Variants in ZNF436 observed in about 807,000 individuals in gnomAD.
ZNF436 encodes the protein zinc finger protein 436.
ZNF436 carries 22 observed loss-of-function variants against 41.9 expected under a neutral mutation model. The observed-to-expected ratio is 0.53, with a 90% CI of 0.38 to 0.75. The LOEUF is 0.75. Ranked by LOEUF, ZNF436 falls within the 30% of genes least tolerant of loss-of-function variation. The probability of loss-of-function intolerance (pLI) is 0.00; values close to 1 mark genes in which losing one functional copy is unlikely to be tolerated. For synonymous variants in ZNF436, 217 were observed against 197.8 expected, an observed-to-expected ratio of 1.10 and a Z score of -0.82; for missense variants, 506 against 587.3, an observed-to-expected ratio of 0.86 and a Z score of 1.43.
At chr1:23,364,633 G>A (rs1183985601) in intron 3 of ZNF436, among the ~76,000 whole-genome samples, 1 of 152,220 alleles carries the variant, frequency 6.6e-6, no homozygotes, top group East Asian at 1.9e-4. Context: ...ACTTTTCAGT[G>A]ACCTTTTAAT....
In ZNF436 at chr1:23,362,265, G is replaced by A. The variant is rs762085274; in HGVS notation, c.1117C>T (p.Arg373Trp). The change falls in exon 4 of 4, where the codon CGG (arginine) becomes TGG (tryptophan). Residue 373 changes from arginine to tryptophan, a missense_variant. Coordinates refer to ENST00000314011, the MANE Select transcript of ZNF436 (RefSeq NM_001077195.2). ...ECNACGKSFS[R>W]SSHLITHQKI... ...TGGTGTGTGATGAGATGAGAGCTCC[G>A]GCTGAAGCTTTTCCCACAAGCATTG... 7.4e-6 allele frequency: 12 copies of A among 1,613,828 alleles called. No homozygotes were observed. Among genetic ancestry groups the A allele is most frequent in the Admixed American group, 5.0e-5 (3 of 59,978 alleles).
At position 23,362,717 on chromosome 1, in the gene ZNF436, T is replaced by G. The variant is rs368776560; in HGVS notation, c.665A>C (p.His222Pro). 4 of 1,614,072 alleles carry G rather than the reference T, an allele frequency of 2.5e-6. No individual in the cohort carries two copies. In the African/African-American group the frequency reaches 5.3e-5, roughly 22 times the overall value. Reference sequence around the variant, plus strand: ...ACTTTTTCCACACTCATTACATTTGTGAGGCTTCTCTCCAGTGTGGATTGT... The same window carrying G: ...ACTTTTTCCACACTCATTACATTTGGGAGGCTTCTCTCCAGTGTGGATTGT... ...HQTIHTGEKP[H>P]KCNECGKSFC... The change falls in exon 4 of 4, where the codon CAC (histidine) becomes CCC (proline). Residue 222 changes from histidine to proline, a missense_variant. Around this residue, in one of 2 missense-constraint regions of ZNF436, gnomAD observed 278 missense variants for 372.1 expected, o/e 0.75. Coordinates refer to ENST00000314011, the MANE Select transcript of ZNF436 (RefSeq NM_001077195.2).
Position 23,361,251 on chromosome 1 carries a change from T to C in ZNF436, c.*718A>G, listed in dbSNP as rs1156643311. The stretch of plus-strand genomic sequence containing the variant: ...AAATCTGATTAATGGCAGTAATAAC[T>C]GTGGGCATCTTCTGCTAAAGTCACC... On this transcript the variant is annotated 3_prime_UTR_variant, in exon 4 of 4. Coordinates refer to ENST00000314011, the MANE Select transcript of ZNF436 (RefSeq NM_001077195.2). 1.3e-5 allele frequency: 2 copies of C among 152,672 alleles called. No individual in the cohort carries two copies. Among genetic ancestry groups the C allele is most frequent in the Non-Finnish European group, 2.9e-5 (2 of 68,052 alleles). The allele number at this position is 152,672 out of a possible 1,614,324, so 9.5% of individuals were successfully genotyped here.
At chr1:23,367,832 G>A in intron 2 of ZNF436, 141 bp downstream of exon 2, 1 of 865,260 alleles carries the variant, frequency 1.2e-6, no homozygotes, top group South Asian at 1.5e-5. Context: ...TACTGGCCTG[G>A]TACTAGGCCC....
chr1:23,368,395 C>A (rs1389508332), intron 1 of ZNF436: 1 of 207,300 alleles, frequency 4.8e-6, no homozygotes, highest in Non-Finnish European at 1.0e-5. Flanking sequence ...GCAGCTGCCT[C>A]AGCCAATCAG....
At chr1:23,366,497 AT>A (rs1638361554) in intron 3 of ZNF436, among the ~76,000 whole-genome samples, 1 of 152,240 alleles carries the variant, frequency 6.6e-6, no homozygotes, top group South Asian at 2.1e-4. Flanking sequence ...CTCTAATAGA[AT>A]TTGTGATCTA....
chr1:23,366,933 C>T (rs1638371717), intron 3 of ZNF436, 109 bp downstream of exon 3: 1 of 1,250,272 alleles, frequency 8.0e-7, no homozygotes, highest in Admixed American at 2.4e-5. Flanking sequence ...AGCCAATATC[C>T]AATTAAGTGC....
In ZNF436 at chr1:23,363,072, T is replaced by G; in HGVS notation, c.310A>C (p.Arg104=). The change falls in exon 4 of 4, where the codon AGA becomes CGA. Residue 104 remains arginine (R), a synonymous_variant. Coordinates refer to ENST00000314011, the MANE Select transcript of ZNF436 (RefSeq NM_001077195.2). ...EGFESGDRSE[R]QWGDLTAEEW... ...TCTGCTGTTAAATCTCCCCATTGTC[T>G]TTCTGACCTATCTCCGCTTTCAAAG... 2.5e-6 allele frequency: 4 copies of G among 1,614,220 alleles called. No individual in the cohort carries two copies. The East Asian group carries it at 8.9e-5, about 36-fold the overall frequency.
Position 23,362,900 on chromosome 1 carries a change from G to A in ZNF436, c.482C>T (p.Thr161Ile), listed in dbSNP as rs1303070120. 1 of 1,614,240 alleles carries A rather than the reference G, an allele frequency of 6.2e-7. No individual in the cohort carries two copies. Among genetic ancestry groups the A allele is most frequent in the South Asian group, 1.1e-5 (1 of 91,086 alleles). ...ATAACATTTATAGGGTCTGTCTCCA[G>A]TGTGGGTCTTCTGATGTCGATTAAG... ...SDLNRHQKTH[T>I]GDRPYKCYEC... Residue 161 changes from threonine to isoleucine, a missense_variant, in exon 4 of 4, where the codon ACT becomes ATT. Thr to Ile is a moderately conservative substitution (Grantham distance 89, BLOSUM62 -1). This residue lies in a region of ZNF436 where 228 missense variants were observed against 215.1 expected (regional missense o/e 1.06). Transcript: ENST00000314011.
In ZNF436 at chr1:23,362,478, C is replaced by T; in HGVS notation, c.904G>A (p.Gly302Arg). The change falls in exon 4 of 4, where the codon GGG becomes AGG. Residue 302 changes from glycine to arginine, a missense_variant. Gly to Arg is a moderately radical substitution (Grantham distance 125). Coordinates refer to ENST00000314011, the MANE Select transcript of ZNF436 (RefSeq NM_001077195.2). ...DLIKHYRVHTGERPYKCDECG... is the reference protein window; with the variant it reads ...DLIKHYRVHTRERPYKCDECG... ...TCATCACACTTGTAGGGCCTCTCCC[C>T]TGTGTGGACTCGATAGTGTTTGATG... is the stretch of plus-strand genomic sequence containing the variant. The T allele has an allele frequency of 1.9e-6, 3 of 1,614,254 alleles. No individual in the cohort carries two copies. The highest frequency in any genetic ancestry group is 2.5e-6 in the Non-Finnish European group (3 of 1,180,054).
In ZNF436 at chr1:23,367,184, A is replaced by C; in HGVS notation, c.34-16T>G. ...TCACAGGTGCCTGAAATCACACGATACTTCCCTACTATTCTGTATTTAGGA... is the reference window on the plus strand; with the variant it reads ...TCACAGGTGCCTGAAATCACACGATCCTTCCCTACTATTCTGTATTTAGGA... On this transcript the variant is annotated splice_polypyrimidine_tract_variant and intron_variant, in intron 2 of 3. Transcript: ENST00000314011. 6.3e-7 allele frequency: 1 copy of C among 1,599,120 alleles called. No homozygotes were observed. Among genetic ancestry groups the C allele is most frequent in the South Asian group, 1.1e-5 (1 of 88,134 alleles).
chr1:23,362,550 A>G lies in ZNF436; in HGVS notation c.832T>C (p.Tyr278His). Reference protein sequence around the residue: ...HQRTHTGEKPYECNECGRGFS... With the variant: ...HQRTHTGEKPHECNECGRGFS... The stretch of plus-strand genomic sequence containing the variant: ...CCTCGGCCACATTCGTTACATTCAT[A>G]AGGTTTCTCACCCGTGTGGGTCCTC... Residue 278 changes from tyrosine (Y) to histidine (H), a missense_variant, in exon 4 of 4, where the codon TAT becomes CAT. Physicochemically the swap from Tyr to His is moderately conservative, Grantham distance 83 (BLOSUM62 2). Transcript: ENST00000314011. 4 of 1,613,794 alleles carry G rather than the reference A, an allele frequency of 2.5e-6. No homozygotes were observed. The highest frequency in any genetic ancestry group is 3.4e-6 in the Non-Finnish European group (4 of 1,179,970).
chr1:23,368,588 G>A (rs553066443), intron 1 of ZNF436, among the ~76,000 whole-genome samples: 3 of 152,350 alleles, frequency 2.0e-5, no homozygotes, highest in African/African-American at 7.2e-5. Context: ...AAGAACAAAA[G>A]GGTGAAAAAG....
Position 23,367,111 on chromosome 1 carries a change from G to A in ZNF436, c.91C>T (p.Leu31=), listed in dbSNP as rs751068781. 13 of 1,613,718 alleles carry A rather than the reference G, an allele frequency of 8.1e-6. No homozygotes were observed. The East Asian group carries it at 2.5e-4, about 30-fold the overall frequency. ...TAAAGGTCCCTCTGTGCAGCGTCCA[G>A]AGGTCTCCATTCTTCCCGGGTGAGA... ...MYLTREEWRP[L]DAAQRDLYRD... The change falls in exon 3 of 4, where the codon CTG becomes TTG. Residue 31 remains leucine (L), a synonymous_variant. Transcript: ENST00000314011.
intron 3 of ZNF436, 141 bp downstream of exon 3, chr1:23,366,901 A>T: frequency 1.1e-6 from 1 of 912,500 alleles, no homozygotes; most frequent in South Asian, 1.8e-5. Context: ...ATATTCAAAG[A>T]TCTGCCTGAG....
rs1393908590 is a variant in ZNF436, at chr1:23,362,228, G to A, written c.1154C>T (p.Thr385Ile). 1.2e-6 allele frequency: 2 copies of A among 1,614,016 alleles called. No homozygotes were observed. The highest frequency in any genetic ancestry group is 1.7e-6 in the Non-Finnish European group (2 of 1,180,034). ...SHLITHQKIH[T>I]GEKPYECNEC... The stretch of plus-strand genomic sequence containing the variant: ...ATTACACTCATAAGGCTTCTCTCCA[G>A]TGTGAATTTTCTGGTGTGTGATGAG... The change falls in exon 4 of 4, where the codon ACT (threonine) becomes ATT (isoleucine). Residue 385 changes from threonine to isoleucine, a missense_variant. Physicochemically the swap from Thr to Ile is moderately conservative, Grantham distance 89. This residue lies in a region of ZNF436 where 278 missense variants were observed against 372.1 expected (regional missense o/e 0.75). Coordinates refer to ENST00000314011, the MANE Select transcript of ZNF436 (RefSeq NM_001077195.2).
intron 2 of ZNF436, 62 bp from the exon 3 acceptor site, chr1:23,367,230 G>A (rs767715874): frequency 1.3e-6 from 2 of 1,504,638 alleles, no homozygotes; most frequent in Admixed American, 2.2e-5. Flanking sequence ...TTAGAAACAT[G>A]ATTAGAAATA....
At position 23,367,099 on chromosome 1, in the gene ZNF436, G is replaced by T; in HGVS notation, c.103C>A (p.Gln35Lys). The T allele has an allele frequency of 3.7e-6, 6 of 1,614,054 alleles. No individual in the cohort carries two copies. The highest frequency in any genetic ancestry group is 2.5e-6 in the Non-Finnish European group (3 of 1,179,970). Reference sequence around the variant, plus strand: ...ATAACATCCCGGTAAAGGTCCCTCTGTGCAGCGTCCAGAGGTCTCCATTCT... The same window carrying T: ...ATAACATCCCGGTAAAGGTCCCTCTTTGCAGCGTCCAGAGGTCTCCATTCT... ...REEWRPLDAA[Q>K]RDLYRDVMQE... is the part of the protein sequence containing the mutation. Residue 35 changes from glutamine (Q) to lysine (K), a missense_variant, in exon 3 of 4, where the codon CAG becomes AAG. Physicochemically the swap from Gln to Lys is moderately conservative, Grantham distance 53 (BLOSUM62 1). This residue lies in a region of ZNF436 where 228 missense variants were observed against 215.1 expected (regional missense o/e 1.06). Coordinates refer to ENST00000314011, the MANE Select transcript of ZNF436 (RefSeq NM_001077195.2).
At position 23,362,820 on chromosome 1, in the gene ZNF436, G is replaced by A. The variant is rs751393098; in HGVS notation, c.562C>T (p.His188Tyr). ...SSHLIQHQRT[H>Y]TGERPYDCNE... is the part of the protein sequence containing the mutation. Reference sequence around the variant, plus strand: ...CAGTCATAAGGCCTCTCCCCAGTATGTGTTCTTTGATGCTGAATAAGGTGT... The same window carrying A: ...CAGTCATAAGGCCTCTCCCCAGTATATGTTCTTTGATGCTGAATAAGGTGT... The change falls in exon 4 of 4, where the codon CAT becomes TAT. Residue 188 changes from histidine (H) to tyrosine (Y), a missense_variant. Coordinates refer to ENST00000314011, the MANE Select transcript of ZNF436 (RefSeq NM_001077195.2). The A allele has an allele frequency of 3.1e-6, 5 of 1,614,132 alleles. No individual in the cohort carries two copies. The African/African-American group carries it at 4.0e-5, about 13-fold the overall frequency.
Sources: allele counts gnomAD v4.1 joint callset (sites outside exome capture counted in the v4.1 genomes callset), GRCh38; gene constraint gnomAD v4.1.1; regional missense constraint gnomAD v4.1.1; transcripts MANE v1.5; gene names NCBI Gene and HGNC (gene_info 2026-07-23, HGNC 2026-07-21).